ADAMTS2: variants seen among roughly 807,000 people sequenced by gnomAD.
ADAMTS2 encodes the protein A disintegrin and metalloproteinase with thrombospondin motifs 2.
ADAMTS2 carries 50 observed loss-of-function variants against 123.0 expected under a neutral mutation model. The ratio of observed to expected loss-of-function variants is 0.41; its 90% CI spans 0.32 to 0.51. The LOEUF (loss-of-function observed/expected upper bound fraction) is 0.51, where lower values mean the gene tolerates loss of function less well. Ranked by LOEUF, ADAMTS2 falls within the 20% of genes least tolerant of loss-of-function variation. The pLI is 0.35. For synonymous variants in ADAMTS2, 678 were observed against 695.4 expected, an observed-to-expected ratio of 0.98 and a Z score of 0.39; for missense variants, 1,494 against 1,705.2, an observed-to-expected ratio of 0.88 and a Z score of 2.18.
Position 179,128,465 on chromosome 5 carries a change from T to C in ADAMTS2, c.2458-347A>G, listed in dbSNP as rs1295410970. 6.6e-6 allele frequency among the ~76,000 whole-genome samples: 1 copy of C among 152,194 alleles called. No homozygotes were observed. ...TGGAGTGTAGTGGCACGATCTCGGC[T>C]CACTGCAACCTCCGCCTCCCAGGTT... On this transcript the variant is annotated intron_variant, in intron 16 of 21. Transcript: ENST00000251582. This position sits in a 1 kb window ranked among gnomAD's most constrained non-coding sequence, Gnocchi z 4.9.
chr5:179,182,967 T>C (rs990757824), intron 4 of ADAMTS2, among the ~76,000 whole-genome samples: 1 of 152,178 alleles, frequency 6.6e-6, no homozygotes, highest in Non-Finnish European at 1.5e-5. Context: ...GCCCTCCGTT[T>C]CCTCTGTAAA....
In ADAMTS2 at chr5:179,121,517, C is replaced by T. The variant is rs913594585; in HGVS notation, c.3178+144G>A. The T allele has an allele frequency of 2.9e-5, 17 of 591,530 alleles. No homozygotes were observed. The East Asian group carries it at 4.0e-4, about 14-fold the overall frequency. The allele number at this position is 591,530 out of a possible 1,614,324, so 36.6% of individuals were successfully genotyped here. On this transcript the variant is annotated intron_variant, in intron 21 of 21. Coordinates refer to ENST00000251582, the MANE Select transcript of ADAMTS2 (RefSeq NM_014244.5). ...GGAGCGGACGCCGAGCTCAGAGGCC[C>T]GGGAGAAAACGGTCACCCCAGAGCG...
At chr5:179,329,220 T>A (rs556729441) in intron 2 of ADAMTS2, among the ~76,000 whole-genome samples, 13 of 151,618 alleles carry the variant, frequency 8.6e-5, no homozygotes, top group Admixed American at 2.0e-4. Flanking sequence ...CCAGCTACTC[T>A]TGAGGCTGAA....
At chr5:179,199,853 T>C (rs1764521136) in intron 4 of ADAMTS2, among the ~76,000 whole-genome samples, 1 of 152,236 alleles carries the variant, frequency 6.6e-6, no homozygotes, top group Admixed American at 6.5e-5. Context: ...TATTTGCATT[T>C]AAAATAGCCA....
chr5:179,153,718 C>A, intron 8 of ADAMTS2, 95 bp from the exon 9 acceptor site: 1 of 1,487,882 alleles, frequency 6.7e-7, no homozygotes, highest in Non-Finnish European at 9.0e-7. Flanking sequence ...GCTGCCATGG[C>A]AGCCCTACCT....
At chr5:179,121,572 G>A in intron 21 of ADAMTS2, 89 bp downstream of exon 21, 1 of 1,112,638 alleles carries the variant, frequency 9.0e-7, no homozygotes, top group Middle Eastern at 2.1e-4. Flanking sequence ...GCTTTCCATA[G>A]ACAGAGAGGA....
Position 179,154,870 on chromosome 5 carries a change from C to T in ADAMTS2, c.1182G>A (p.Leu394=). The change falls in exon 7 of 22, where the codon CTG becomes CTA. Residue 394 remains leucine, a synonymous_variant. Transcript: ENST00000251582. ...CTGAGGAGAAGCCGTCCTCATGGTTCAGGGTGCAGCTGCGGACCGGATGGC... is the reference window on the plus strand; with the variant it reads ...CTGAGGAGAAGCCGTCCTCATGGTTTAGGGTGCAGCTGCGGACCGGATGGC... ...GMCHPVRSCT[L]NHEDGFSSAF... is the part of the protein sequence containing the mutation. The T allele has an allele frequency of 6.2e-7, 1 of 1,613,762 alleles. No individual in the cohort carries two copies. Among genetic ancestry groups the T allele is most frequent in the Non-Finnish European group, 8.5e-7 (1 of 1,179,940 alleles).
intron 5 of ADAMTS2, among the ~76,000 whole-genome samples, chr5:179,174,669 A>G (rs1263700231): frequency 6.6e-6 from 1 of 152,256 alleles, no homozygotes; most frequent in Non-Finnish European, 1.5e-5. Flanking sequence ...TGAACTGTCT[A>G]TGAAAGTTTA....
rs959542238 is a variant in ADAMTS2 at position 179,314,282 on chromosome 5, C to T, written c.534+29485G>A. On this transcript the variant is annotated intron_variant, in intron 2 of 21. Coordinates refer to ENST00000251582, the MANE Select transcript of ADAMTS2 (RefSeq NM_014244.5). This position sits in a 1 kb window ranked among gnomAD's most constrained non-coding sequence, Gnocchi z 4.5. The stretch of plus-strand genomic sequence containing the variant: ...TGCTCAGCTCGGGGGAAGCACCTCT[C>T]GCCAGCCATCTGGGGCTTGGCTGGG... Among the ~76,000 whole-genome samples the T allele has an allele frequency of 4.6e-5, 7 of 152,322 alleles. No homozygotes were observed. Among genetic ancestry groups the T allele is most frequent in the East Asian group, 3.9e-4 (2 of 5,166 alleles).
chr5:179,269,485 C>T (rs1375035851), intron 3 of ADAMTS2, among the ~76,000 whole-genome samples: 1 of 152,152 alleles, frequency 6.6e-6, no homozygotes, highest in Non-Finnish European at 1.5e-5. Flanking sequence ...CAGGGCAACT[C>T]CCGTTTTTAA....
In ADAMTS2 at chr5:179,188,139, C is replaced by T. The variant is rs939640830; in HGVS notation, c.892-6984G>A. ...AGGGGCCCTGGAACAGCAGCCACCC[C>T]AACCTTCAGGAAAGTTCCCATGTCC... On this transcript the variant is annotated intron_variant, in intron 4 of 21. Coordinates refer to ENST00000251582, the MANE Select transcript of ADAMTS2 (RefSeq NM_014244.5). The surrounding 1 kb of genome is among the most constrained non-coding windows in gnomAD (Gnocchi z 5.1). 1.3e-5 allele frequency among the ~76,000 whole-genome samples: 2 copies of T among 152,220 alleles called. No homozygotes were observed. The highest frequency in any genetic ancestry group is 1.3e-4 in the Admixed American group (2 of 15,290).
intron 3 of ADAMTS2, among the ~76,000 whole-genome samples, chr5:179,232,969 A>G (rs969700529): frequency 6.6e-5 from 10 of 152,230 alleles, no homozygotes; most frequent in Non-Finnish European, 1.5e-4. Flanking sequence ...ATGGAAGCAC[A>G]TGAAATTATG....
At chr5:179,274,086 C>T (rs1303433010) in intron 2 of ADAMTS2, among the ~76,000 whole-genome samples, 1 of 151,136 alleles carries the variant, frequency 6.6e-6, no homozygotes, top group Non-Finnish European at 1.5e-5. Context: ...ACCTCTCCTG[C>T]CCTCCCCTGC....
intron 3 of ADAMTS2, among the ~76,000 whole-genome samples, chr5:179,247,912 C>A (rs1765841039): frequency 6.6e-6 from 1 of 152,142 alleles, no homozygotes; most frequent in South Asian, 2.1e-4. Flanking sequence ...GGACAGAAGA[C>A]AGTAACTCAA....
chr5:179,256,118 G>C lies in ADAMTS2; in HGVS notation c.688+16793C>G, dbSNP rs1443386327. The stretch of plus-strand genomic sequence containing the variant: ...GGTCCTTCTTCCCACAGGGAGACCG[G>C]GAGGGTCTTGTTCTGCCCTCAGAGC... On this transcript the variant is annotated intron_variant, in intron 3 of 21. Transcript: ENST00000251582. The surrounding 1 kb of genome is among the most constrained non-coding windows in gnomAD (Gnocchi z 4.1). 6.6e-6 allele frequency among the ~76,000 whole-genome samples: 1 copy of C among 152,186 alleles called. No homozygotes were observed. The highest frequency in any genetic ancestry group is 1.5e-5 in the Non-Finnish European group (1 of 68,032).
rs1765496013 is a variant in ADAMTS2 at position 179,235,149 on chromosome 5, T to C, written c.689-27434A>G. 2.0e-5 allele frequency among the ~76,000 whole-genome samples: 3 copies of C among 152,242 alleles called. No individual in the cohort carries two copies. In the South Asian group the frequency reaches 6.2e-4, roughly 32 times the overall value. Reference sequence around the variant, plus strand: ...CTCTCTCTCCTAGACTCAAGCACCCTGTGCTTCCTTCTTTTAAACCACTGA... The same window carrying C: ...CTCTCTCTCCTAGACTCAAGCACCCCGTGCTTCCTTCTTTTAAACCACTGA... On this transcript the variant is annotated intron_variant, in intron 3 of 21. Coordinates refer to ENST00000251582, the MANE Select transcript of ADAMTS2 (RefSeq NM_014244.5).
chr5:179,121,756 G>A lies in ADAMTS2; in HGVS notation c.3089-6C>T, dbSNP rs1210414674. ...GGAGGGATCTGAGATGTTTCCTAGA[G>A]GGAGGAGAGAGGGGCTGCGGCCGCA... On this transcript the variant is annotated splice_polypyrimidine_tract_variant and splice_region_variant and intron_variant, in intron 20 of 21. Coordinates refer to ENST00000251582, the MANE Select transcript of ADAMTS2 (RefSeq NM_014244.5). 1 of 1,552,968 alleles carries A rather than the reference G, an allele frequency of 6.4e-7. No individual in the cohort carries two copies. The highest frequency in any genetic ancestry group is 8.7e-7 in the Non-Finnish European group (1 of 1,145,092).
chr5:179,204,355 T>C (rs1764630450), intron 4 of ADAMTS2, among the ~76,000 whole-genome samples: 1 of 152,236 alleles, frequency 6.6e-6, no homozygotes, highest in Non-Finnish European at 1.5e-5. Context: ...TTCTGTATAT[T>C]TCACCGCAAT....
At chr5:179,168,431 C>T (rs535977177) in intron 5 of ADAMTS2, among the ~76,000 whole-genome samples, 17 of 152,268 alleles carry the variant, frequency 1.1e-4, no homozygotes, top group South Asian at 8.3e-4. Flanking sequence ...CCGGGCAGGC[C>T]GCTCGCCCCC....
Sources: gnomAD v4.1 joint callset for allele counts (sites outside exome capture counted in the v4.1 genomes callset) on GRCh38, gnomAD v4.1.1 for gene constraint, Gnocchi (gnomAD v3.1) non-coding constraint, MANE v1.5 for transcripts, NCBI Gene and HGNC (gene_info 2026-07-23, HGNC 2026-07-21) for gene names.